Variants in TNC observed in about 807,000 individuals in gnomAD.
The protein encoded by TNC is tenascin C, also known as tenascin.
TNC carries 109 observed loss-of-function variants against 202.4 expected under a neutral mutation model. The ratio of observed to expected loss-of-function variants is 0.54; its 90% CI spans 0.46 to 0.63. The LOEUF is 0.63. Ranked by LOEUF, TNC falls within the 30% of genes least tolerant of loss-of-function variation. The pLI, the probability that TNC is intolerant of heterozygous loss-of-function variation, is 0.00. For missense variants in TNC, 2,756 were observed against 2,833.3 expected, an observed-to-expected ratio of 0.97 and a Z score of 0.62; for synonymous variants, 1,007 against 1,089.7, an observed-to-expected ratio of 0.92 and a Z score of 1.50.
chr9:115,025,006 A>G (rs1436032246), intron 26 of TNC, among the ~76,000 whole-genome samples: 1 of 152,226 alleles, frequency 6.6e-6, no homozygotes, highest in Non-Finnish European at 1.5e-5. Context: ...TACCCAGAGC[A>G]TGAGGACGGC....
In TNC at chr9:115,031,827, AC is replaced by A; in HGVS notation, c.5788-143del. 3 of 1,012,178 alleles carry A rather than the reference AC, an allele frequency of 3.0e-6. No individual in the cohort carries two copies. The South Asian group carries it at 5.2e-5, about 17-fold the overall frequency. The allele number at this position is 1,012,178 out of a possible 1,614,324, so 62.7% of individuals were successfully genotyped here. A position where few individuals can be genotyped will look rare whatever the true frequency, so the allele number is the denominator to read the frequency against. ...AGAATTCATTGAGTACCCACTCTCT[AC>A]CAGGCTCCATGTGCACTGCTGAGAT... On this transcript the variant is annotated intron_variant, in intron 22 of 27. Transcript: ENST00000350763.
At chr9:115,079,575 C>A (rs1689976915) in intron 6 of TNC, among the ~76,000 whole-genome samples, 1 of 152,156 alleles carries the variant, frequency 6.6e-6, no homozygotes, top group African/African-American at 2.4e-5. Flanking sequence ...AGATTTGGGA[C>A]CCTTGAATAG....
At chr9:115,105,085 G>A (rs1175907594) in intron 1 of TNC, among the ~76,000 whole-genome samples, 1 of 152,158 alleles carries the variant, frequency 6.6e-6, no homozygotes, top group African/African-American at 2.4e-5. Flanking sequence ...GCCAGATGGA[G>A]CCATTGACAA....
At chr9:115,084,701 C>T (rs1755640) in intron 3 of TNC, among the ~76,000 whole-genome samples, 2 of 151,538 alleles carry the variant, frequency 1.3e-5, no homozygotes, top group African/African-American at 4.9e-5. Flanking sequence ...CAGCAGTGTG[C>T]CCTTGGGTGT....
At chr9:115,116,880 G>A (rs1837507528) in intron 1 of TNC, among the ~76,000 whole-genome samples, 1 of 152,170 alleles carries the variant, frequency 6.6e-6, no homozygotes, top group Admixed American at 6.5e-5. Context: ...ATAAAAAGCG[G>A]GGGCTGGGGG....
Position 115,042,199 on chromosome 9 carries a change from C to G in TNC, c.5248+20G>C. ...AACCCACAACACTCCTCCTCTCTCT[C>G]CCCTTTCCGAGTCTCCTACCTCCTG... On this transcript the variant is annotated intron_variant, in intron 18 of 27. Coordinates refer to ENST00000350763, the MANE Select transcript of TNC (RefSeq NM_002160.4). The G allele has an allele frequency of 6.2e-7, 1 of 1,612,072 alleles. No homozygotes were observed. The highest frequency in any genetic ancestry group is 8.5e-7 in the Non-Finnish European group (1 of 1,178,878).
chr9:115,082,333 T>C (rs1423610070), intron 5 of TNC, among the ~76,000 whole-genome samples: 1 of 152,136 alleles, frequency 6.6e-6, no homozygotes, highest in Non-Finnish European at 1.5e-5. Flanking sequence ...ACATGTACTT[T>C]TGGGCCTGGA....
At chr9:115,092,986 T>C (rs1018808153) in intron 1 of TNC, among the ~76,000 whole-genome samples, 5 of 152,204 alleles carry the variant, frequency 3.3e-5, no homozygotes, top group African/African-American at 1.2e-4. Context: ...TGTCAATTAG[T>C]GGTGGTGCTT....
chr9:115,064,644 T>C lies in TNC; in HGVS notation c.3487+3A>G. ...AAGCTATAAATAGAAAGGAAAGAGA[T>C]ACCTGTGGAGGCCTCAGCAGAGAGC... On this transcript the variant is annotated splice_donor_region_variant and intron_variant, in intron 11 of 27. Transcript: ENST00000350763. 1.3e-6 allele frequency: 2 copies of C among 1,587,616 alleles called. No homozygotes were observed.
rs79179924 is a variant in TNC at position 115,022,901 on chromosome 9, A to G, written c.6495+1072T>C. Among the ~76,000 whole-genome samples, 923 of 152,262 alleles carry G rather than the reference A, an allele frequency of 6.1e-3. 6 individuals are homozygous for G. The highest frequency in any genetic ancestry group is 0.021 in the African/African-American group (889 of 41,532). ...AGGTGTCATTTGCTAGCAGTTAATT[A>G]GGGCATAAACATGTGTATCAAAGTG... On this transcript the variant is annotated intron_variant, in intron 27 of 27. Coordinates refer to ENST00000350763, the MANE Select transcript of TNC (RefSeq NM_002160.4).
intron 27 of TNC, among the ~76,000 whole-genome samples, chr9:115,021,525 G>C (rs780652381): frequency 3.1e-4 from 47 of 152,172 alleles, no homozygotes; most frequent in Non-Finnish European, 5.9e-4. Flanking sequence ...TTTGCATGGA[G>C]CTTTGGTCTT....
chr9:115,076,301 T>C (rs898391156), intron 8 of TNC, 89 bp downstream of exon 8: 37 of 1,496,308 alleles, frequency 2.5e-5, no homozygotes, highest in Non-Finnish European at 2.9e-5. Context: ...TTCTGAGGGT[T>C]GCAAATGGGG....
intron 17 of TNC, among the ~76,000 whole-genome samples, chr9:115,043,045 C>G (rs1160260634): frequency 6.6e-6 from 1 of 152,176 alleles, no homozygotes; most frequent in Non-Finnish European, 1.5e-5. Flanking sequence ...AAGCCATGCC[C>G]AGGGGGAGTT....
chr9:115,099,631 A>G (rs1372859774), intron 1 of TNC, among the ~76,000 whole-genome samples: 2 of 152,250 alleles, frequency 1.3e-5, no homozygotes, highest in African/African-American at 2.4e-5. Context: ...TATCAACTGC[A>G]CAATAAAGTT....
intron 1 of TNC, among the ~76,000 whole-genome samples, chr9:115,105,443 G>A (rs1205565499): frequency 6.6e-6 from 1 of 152,146 alleles, no homozygotes; most frequent in Non-Finnish European, 1.5e-5. Context: ...CACAGTTTAT[G>A]GAGGAGAAAA....
At chr9:115,023,833 G>T in intron 27 of TNC, 140 bp downstream of exon 27, 1 of 1,012,410 alleles carries the variant, frequency 9.9e-7, no homozygotes, top group Non-Finnish European at 1.5e-6. Context: ...ATTGCTCACT[G>T]CCTTGGGAAA....
At chr9:115,076,652 A>T in intron 7 of TNC, 77 bp from the exon 8 acceptor site, 2 of 1,498,964 alleles carry the variant, frequency 1.3e-6, no homozygotes, top group Non-Finnish European at 1.8e-6. Context: ...TCAAGCTGAC[A>T]TATGAAACGT....
intron 10 of TNC, among the ~76,000 whole-genome samples, chr9:115,073,015 T>A (rs1018603056): frequency 6.6e-6 from 1 of 152,104 alleles, no homozygotes; most frequent in African/African-American, 2.4e-5. Context: ...AGGATTAAGC[T>A]GTCGTCATAG....
chr9:115,039,756 T>A (rs1830593505), intron 19 of TNC, among the ~76,000 whole-genome samples: 1 of 152,232 alleles, frequency 6.6e-6, no homozygotes. Context: ...TGCTTCACTG[T>A]GCATGGACAG....
Sources: allele counts gnomAD v4.1 joint callset (sites outside exome capture counted in the v4.1 genomes callset), GRCh38; gene constraint gnomAD v4.1.1; transcripts MANE v1.5; gene names NCBI Gene and HGNC (gene_info 2026-07-23, HGNC 2026-07-21).